Variants in SRD5A1 observed in about 807,000 individuals in gnomAD.
SRD5A1 encodes the protein steroid 5 alpha-reductase 1.
SRD5A1 carries 22 observed loss-of-function variants against 28.2 expected under a neutral mutation model. The observed-to-expected ratio is 0.78, with a 90% CI of 0.56 to 1.12. SRD5A1 has a LOEUF of 1.12. Among genes scored for constraint, SRD5A1 ranks in the 50% most tolerant of loss-of-function variants. The probability of loss-of-function intolerance (pLI) is 0.00; values close to 1 mark genes in which losing one functional copy is unlikely to be tolerated. For missense variants in SRD5A1, 300 were observed against 346.7 expected, an observed-to-expected ratio of 0.87 and a Z score of 1.07; for synonymous variants, 151 against 135.0, an observed-to-expected ratio of 1.12 and a Z score of -0.82.
intron 1 of SRD5A1, among the ~76,000 whole-genome samples, chr5:6,641,941 C>T (rs748172581): frequency 2.0e-5 from 3 of 152,236 alleles, no homozygotes; most frequent in Non-Finnish European, 4.4e-5. Flanking sequence ...TGTGCTAATT[C>T]AGACTAATTG....
At chr5:6,642,241 T>G (rs1738386814) in intron 1 of SRD5A1, among the ~76,000 whole-genome samples, 1 of 152,192 alleles carries the variant, frequency 6.6e-6, no homozygotes, top group South Asian at 2.1e-4. Context: ...CATGAGATTT[T>G]ACGTATTTTA....
rs938972459 is a variant in SRD5A1, at chr5:6,665,871, C to G, written c.714-2331C>G. 6.6e-5 allele frequency among the ~76,000 whole-genome samples: 10 copies of G among 152,158 alleles called. No individual in the cohort carries two copies. In the East Asian group the frequency reaches 1.9e-3, roughly 29 times the overall value. On this transcript the variant is annotated intron_variant, in intron 4 of 4. Coordinates refer to ENST00000274192, the MANE Select transcript of SRD5A1 (RefSeq NM_001047.4). ...AATGAAAGTCTTTGCTAATGAAAACCCAAAGATAGTCTTTGCAGAAGAGTT... is the reference window on the plus strand; with the variant it reads ...AATGAAAGTCTTTGCTAATGAAAACGCAAAGATAGTCTTTGCAGAAGAGTT...
intron 1 of SRD5A1, among the ~76,000 whole-genome samples, chr5:6,645,660 G>A (rs1738489031): frequency 6.6e-6 from 1 of 150,694 alleles, no homozygotes; most frequent in African/African-American, 2.4e-5. Flanking sequence ...AAAAAAGTCT[G>A]TAGCTTGATG....
rs991805229 is a variant in SRD5A1, at chr5:6,668,472, G to A, written c.*204G>A. 3.4e-5 allele frequency: 14 copies of A among 405,870 alleles called. No individual in the cohort carries two copies. Among genetic ancestry groups the A allele is most frequent in the African/African-American group, 1.0e-4 (5 of 48,064 alleles). The allele number at this position is 405,870 out of a possible 1,614,324, so 25.1% of individuals were successfully genotyped here. ...AAATGGAGGTTGAATATCCTACTGTGTAACAGGTCAGAATTTCAAGCTCTG... is the reference window on the plus strand; with the variant it reads ...AAATGGAGGTTGAATATCCTACTGTATAACAGGTCAGAATTTCAAGCTCTG... On this transcript the variant is annotated 3_prime_UTR_variant, in exon 5 of 5. Transcript: ENST00000274192.
chr5:6,661,595 C>T (rs574620390), intron 3 of SRD5A1, among the ~76,000 whole-genome samples: 5 of 146,510 alleles, frequency 3.4e-5, no homozygotes, highest in Admixed American at 1.4e-4. Context: ...TGCAATGGCA[C>T]GATCTCGGCT....
intron 2 of SRD5A1, among the ~76,000 whole-genome samples, chr5:6,654,004 A>G (rs1254636630): frequency 1.3e-5 from 2 of 152,230 alleles, no homozygotes; most frequent in East Asian, 3.8e-4. Context: ...AATTACATAA[A>G]TAAGTAATTA....
At chr5:6,646,127 G>A (rs1251224523) in intron 1 of SRD5A1, among the ~76,000 whole-genome samples, 1 of 152,188 alleles carries the variant, frequency 6.6e-6, no homozygotes, top group East Asian at 1.9e-4. Flanking sequence ...AGTTTGCTGA[G>A]AATGACAGTT....
chr5:6,654,432 T>TG (rs200942320), intron 2 of SRD5A1, among the ~76,000 whole-genome samples: 4,278 of 147,674 alleles, frequency 0.029, 106 homozygotes, highest in Non-Finnish European at 0.045. Flanking sequence ...TTTAAGTTTT[T>TG]TTTTTGTTTG....
rs1738686544 is a variant in SRD5A1 at position 6,651,941 on chromosome 5, A to G, written c.393A>G (p.Gln131=). 2.5e-6 allele frequency: 4 copies of G among 1,614,018 alleles called. No individual in the cohort carries two copies. Among genetic ancestry groups the G allele is most frequent in the Non-Finnish European group, 3.4e-6 (4 of 1,179,994 alleles). The part of the protein sequence containing the change: ...IMFCTCNGYL[Q]SRYLSHCAVY... ...TCTGTACCTGTAACGGCTATTTGCA[A>G]AGCAGATACTTGAGCCATTGTGCAG... Residue 131 remains glutamine, a synonymous_variant, in exon 2 of 5, where the codon CAA becomes CAG. Coordinates refer to ENST00000274192, the MANE Select transcript of SRD5A1 (RefSeq NM_001047.4).
chr5:6,665,918 GTCAT>G (rs1224476679), intron 4 of SRD5A1, among the ~76,000 whole-genome samples: 1 of 152,220 alleles, frequency 6.6e-6, no homozygotes, highest in Non-Finnish European at 1.5e-5. Context: ...AGAGCTCTTT[GTCAT>G]TCATTTGCTG....
chr5:6,660,742 T>C (rs553059953), intron 3 of SRD5A1, among the ~76,000 whole-genome samples: 1 of 152,358 alleles, frequency 6.6e-6, no homozygotes, highest in South Asian at 2.1e-4. Flanking sequence ...AATATTGATA[T>C]TTGTATTAGT....
chr5:6,665,367 C>T (rs1739136605), intron 4 of SRD5A1, among the ~76,000 whole-genome samples: 1 of 152,234 alleles, frequency 6.6e-6, no homozygotes, highest in South Asian at 2.1e-4. Context: ...CTAGCAGCCA[C>T]AGGGAACTGA....
rs1456972165 is a variant in SRD5A1, at chr5:6,673,784, T to G, written c.*5516T>G. The G allele has an allele frequency of 6.6e-6, 1 of 152,208 alleles. No individual in the cohort carries two copies. Among genetic ancestry groups the G allele is most frequent in the African/African-American group, 2.4e-5 (1 of 41,450 alleles). 9.4% of individuals were successfully genotyped at this position (152,208 alleles called of 1,614,324 possible). On this transcript the variant is annotated 3_prime_UTR_variant, in exon 5 of 5. Coordinates refer to ENST00000274192, the MANE Select transcript of SRD5A1 (RefSeq NM_001047.4). ...GAATACTAGTGTCAGAGATTTTTTT[T>G]TAACAAAGAGCTATCAAGCCATGAA...
intron 1 of SRD5A1, among the ~76,000 whole-genome samples, chr5:6,649,639 CCGTT>C (rs1330821506): frequency 6.6e-6 from 1 of 152,230 alleles, no homozygotes; most frequent in African/African-American, 2.4e-5. Context: ...CCAGAATGCA[CCGTT>C]CCTCCTGGTA....
At chr5:6,652,873 CAAAAAA>C (rs11343625) in intron 2 of SRD5A1, among the ~76,000 whole-genome samples, 1 of 95,140 alleles carries the variant, frequency 1.1e-5, no homozygotes, top group African/African-American at 4.1e-5. Context: ...GACTCTGTCT[CAAAAAA>C]AAAAAAAAAA....
intron 1 of SRD5A1, among the ~76,000 whole-genome samples, chr5:6,642,440 C>G (rs779862901): frequency 6.6e-6 from 1 of 152,150 alleles, no homozygotes; most frequent in Non-Finnish European, 1.5e-5. Flanking sequence ...CACTGCACAG[C>G]TAAATGGATT....
chr5:6,652,333 C>G lies in SRD5A1; in HGVS notation c.460+325C>G, dbSNP rs150688397. ...TGAGACCCTTTGGCCACTCATTGAC[C>G]ACATAATCTCCTGCGGTTCCTTCCA... On this transcript the variant is annotated intron_variant, in intron 2 of 4. Transcript: ENST00000274192. Among the ~76,000 whole-genome samples, 6 of 152,314 alleles carry G rather than the reference C, an allele frequency of 3.9e-5. No individual in the cohort carries two copies. The East Asian group carries it at 1.2e-3, about 29-fold the overall frequency.
chr5:6,636,721 C>T (rs781550216), intron 1 of SRD5A1, among the ~76,000 whole-genome samples: 4 of 152,166 alleles, frequency 2.6e-5, no homozygotes, highest in East Asian at 3.9e-4. Context: ...GGGAATGGTG[C>T]GCTTTCATGT....
In SRD5A1 at chr5:6,662,814, A is replaced by G; in HGVS notation, c.563-2A>G. On this transcript the variant is annotated splice_acceptor_variant, in intron 3 of 4. Transcript: ENST00000274192. LOFTEE classifies it high-confidence loss of function. ...ACTACTTTGGTCTGTGTTTTCTTCT[A>G]GGAGGCTTATTTGAATACGTAACTG... is the stretch of plus-strand genomic sequence containing the variant. 6.2e-7 allele frequency: 1 copy of G among 1,612,056 alleles called. No homozygotes were observed. Among genetic ancestry groups the G allele is most frequent in the Non-Finnish European group, 8.5e-7 (1 of 1,179,866 alleles).
Sources: allele counts gnomAD v4.1 joint callset (sites outside exome capture counted in the v4.1 genomes callset), GRCh38; gene constraint gnomAD v4.1.1; transcripts MANE v1.5; gene names NCBI Gene and HGNC (gene_info 2026-07-23, HGNC 2026-07-21).